GPC6: variants seen among roughly 807,000 people sequenced by gnomAD.
GPC6 encodes glypican-6.
Under a neutral mutation model 55.2 loss-of-function variants are expected in GPC6, and 14 were observed. That is an observed-to-expected ratio of 0.25 (90% CI 0.17 to 0.40). GPC6 has a LOEUF of 0.40. GPC6 is among the 10% of genes least tolerant of loss of function. The probability of loss-of-function intolerance (pLI) is 1.00; values close to 1 mark genes in which losing one functional copy is unlikely to be tolerated. For synonymous variants in GPC6, 278 were observed against 259.6 expected, an observed-to-expected ratio of 1.07 and a Z score of -0.68; for missense variants, 641 against 708.5, an observed-to-expected ratio of 0.90 and a Z score of 1.08.
intron 1 of GPC6, among the ~76,000 whole-genome samples, chr13:93,299,715 A>G (rs946432607): frequency 1.6e-4 from 24 of 152,256 alleles, no homozygotes; most frequent in African/African-American, 5.1e-4. Context: ...TTATATGCCA[A>G]TGCCACTTGT....
intron 2 of GPC6, among the ~76,000 whole-genome samples, chr13:93,712,580 GC>G (rs1883108094): frequency 6.6e-6 from 1 of 151,608 alleles, no homozygotes; most frequent in Non-Finnish European, 1.5e-5. Flanking sequence ...AGAAGACTGT[GC>G]CCCTTATATG....
At chr13:93,487,222 T>A (rs548031721) in intron 1 of GPC6, among the ~76,000 whole-genome samples, 1 of 151,868 alleles carries the variant, frequency 6.6e-6, no homozygotes, top group Non-Finnish European at 1.5e-5. Context: ...AATTTTTAAA[T>A]TTTTTTTTAA....
At chr13:93,930,462 G>T (rs1243483837) in intron 3 of GPC6, among the ~76,000 whole-genome samples, 1 of 151,598 alleles carries the variant, frequency 6.6e-6, no homozygotes, top group African/African-American at 2.4e-5. Flanking sequence ...TATTTTTGGG[G>T]GTTTCACCAT....
intron 2 of GPC6, among the ~76,000 whole-genome samples, chr13:93,814,054 A>G (rs1886776160): frequency 6.6e-6 from 1 of 151,798 alleles, no homozygotes; most frequent in Admixed American, 6.6e-5. Context: ...TTTCTTTTCC[A>G]TTTTCTTATT....
At chr13:93,818,289 T>C (rs1434679610) in intron 2 of GPC6, 1 of 152,036 alleles carries the variant, frequency 6.6e-6, no homozygotes, top group African/African-American at 2.4e-5. Flanking sequence ...CTGTGAATTT[T>C]CACATTTTTC....
chr13:94,275,870 C>G (rs1892186922), intron 4 of GPC6, among the ~76,000 whole-genome samples: 1 of 152,116 alleles, frequency 6.6e-6, no homozygotes, highest in African/African-American at 2.4e-5. Flanking sequence ...GGTAGACCCA[C>G]ACTGAGATGC....
intron 4 of GPC6, among the ~76,000 whole-genome samples, chr13:94,053,232 G>A (rs77407130): frequency 0.018 from 2,693 of 152,194 alleles, 49 homozygotes; most frequent in East Asian, 0.09. Context: ...TGAAAGTAGC[G>A]TGTTTTTCTT....
In GPC6 at chr13:93,847,777, T is replaced by C. The variant is rs114435498; in HGVS notation, c.711+17232T>C. On this transcript the variant is annotated intron_variant, in intron 3 of 8. Transcript: ENST00000377047. ...CACCGCCATGCTGCAAATTGTGATG[T>C]GTAATTCATTTTCCTTTTGTAATAT... Among the ~76,000 whole-genome samples the C allele has an allele frequency of 9.4e-3, 1,427 of 152,214 alleles. 29 individuals are homozygous for C. Among genetic ancestry groups the C allele is most frequent in the African/African-American group, 0.033 (1,360 of 41,538 alleles).
At chr13:93,798,505 T>A (rs1886270344) in intron 2 of GPC6, among the ~76,000 whole-genome samples, 3 of 152,274 alleles carry the variant, frequency 2.0e-5, no homozygotes, top group Middle Eastern at 3.4e-3. Context: ...GCAGTGCAAA[T>A]CATGCATTTG....
chr13:93,250,458 C>T (rs1355781298), intron 1 of GPC6, among the ~76,000 whole-genome samples: 1 of 152,190 alleles, frequency 6.6e-6, no homozygotes, highest in African/African-American at 2.4e-5. Context: ...TATTCACCCT[C>T]ACATTGGCCT....
intron 3 of GPC6, among the ~76,000 whole-genome samples, chr13:93,858,400 G>A (rs1322077573): frequency 6.6e-6 from 1 of 151,470 alleles, no homozygotes; most frequent in Non-Finnish European, 1.5e-5. Context: ...ACATAATTTG[G>A]CATCAACACT....
At chr13:94,285,716 G>A (rs185624430) in intron 4 of GPC6, among the ~76,000 whole-genome samples, 3 of 152,278 alleles carry the variant, frequency 2.0e-5, no homozygotes, top group Non-Finnish European at 2.9e-5. Context: ...TCAGTTCAGT[G>A]TAATTTCGTC....
chr13:93,807,411 A>C (rs1283300629), intron 2 of GPC6, among the ~76,000 whole-genome samples: 1 of 152,222 alleles, frequency 6.6e-6, no homozygotes, highest in Non-Finnish European at 1.5e-5. Context: ...GTAATTCCTC[A>C]GGGGAATTTG....
chr13:93,326,068 A>G (rs9561311), intron 1 of GPC6, among the ~76,000 whole-genome samples: 21,412 of 152,152 alleles, frequency 0.14, 1,745 homozygotes, highest in East Asian at 0.42. Flanking sequence ...AGGTGACTAG[A>G]TGGAACCTAG....
intron 1 of GPC6, among the ~76,000 whole-genome samples, chr13:93,368,354 T>TTCCTTCCTTCCTTCCTTCCG (rs1881331576): frequency 1.2e-5 from 1 of 84,004 alleles, no homozygotes; most frequent in African/African-American, 3.3e-5. Flanking sequence ...CCTTCCTTCC[T>TTCCTTCCTTCCTTCCTTCCG]TCCTTCCTTC....
rs1287602343 is a variant in GPC6 at position 93,227,553 on chromosome 13, G to T, written c.97G>T (p.Val33Phe). 7.4e-6 allele frequency: 12 copies of T among 1,613,142 alleles called. No individual in the cohort carries two copies. The highest frequency in any genetic ancestry group is 2.7e-5 in the African/African-American group (2 of 74,928). The change falls in exon 1 of 9, where the codon GTC (valine) becomes TTC (phenylalanine). Residue 33 changes from valine (V) to phenylalanine (F), a missense_variant. By Grantham distance (50) the Val-to-Phe change is conservative. Transcript: ENST00000377047. The surrounding 1 kb of genome is among the most constrained non-coding windows in gnomAD (Gnocchi z 4.3). ...TGTGAAGGCTCGGAGCTGCGGAGAG[G>T]TCCGCCAGGCGTACGGTGCCAAGGG... The part of the protein sequence containing the change: ...ADVKARSCGE[V>F]RQAYGAKGFS...
In GPC6 at chr13:93,718,418, C is replaced by T. The variant is rs372150016; in HGVS notation, c.320-111736C>T. Among the ~76,000 whole-genome samples the T allele has an allele frequency of 3.5e-4, 54 of 152,114 alleles. No individual in the cohort carries two copies. The East Asian group carries it at 7.7e-3, about 22-fold the overall frequency. ...CTAAATGTCTTCTTTTGAAAAGTGT[C>T]TGTTCATATCCTTCGCCTACTTTTG... On this transcript the variant is annotated intron_variant, in intron 2 of 8. Transcript: ENST00000377047.
At chr13:93,920,414 C>T (rs1333262596) in intron 3 of GPC6, among the ~76,000 whole-genome samples, 1 of 152,072 alleles carries the variant, frequency 6.6e-6, no homozygotes, top group Non-Finnish European at 1.5e-5. Flanking sequence ...TCATTTCTAA[C>T]CTCTCTTTAG....
intron 2 of GPC6, among the ~76,000 whole-genome samples, chr13:93,636,887 C>T (rs1402609475): frequency 1.3e-5 from 2 of 151,014 alleles, no homozygotes; most frequent in African/African-American, 4.9e-5. Flanking sequence ...TGGACATCAC[C>T]TCCACTGTAC....
Sources: allele counts gnomAD v4.1 joint callset (sites outside exome capture counted in the v4.1 genomes callset), GRCh38; gene constraint gnomAD v4.1.1; non-coding constraint Gnocchi (gnomAD v3.1); transcripts MANE v1.5; gene names NCBI Gene and HGNC (gene_info 2026-07-23, HGNC 2026-07-21).